CRACD: variants seen among roughly 807,000 people sequenced by gnomAD.
The protein encoded by CRACD is capping protein-inhibiting regulator of actin dynamics.
Under a neutral mutation model 106.8 loss-of-function variants are expected in CRACD, and 56 were observed. That is an observed-to-expected ratio of 0.52 (90% CI 0.42 to 0.66). CRACD has a LOEUF of 0.66. Ranked by LOEUF, CRACD falls within the 30% of genes least tolerant of loss-of-function variation. The probability of loss-of-function intolerance (pLI) is 0.00; values close to 1 mark genes in which losing one functional copy is unlikely to be tolerated. For missense variants in CRACD, 1,730 were observed against 1,623.2 expected, an observed-to-expected ratio of 1.07 and a Z score of -1.13; for synonymous variants, 754 against 670.8, an observed-to-expected ratio of 1.12 and a Z score of -1.92.
intron 1 of CRACD, among the ~76,000 whole-genome samples, chr4:56,108,590 T>C (rs10032815): frequency 0.21 from 31,287 of 151,632 alleles, 3,678 homozygotes; most frequent in African/African-American, 0.3. Context: ...CACCAAGACG[T>C]GGAGACCGGT....
In CRACD at chr4:56,151,134, C is replaced by A. The variant is rs537412377; in HGVS notation, c.-335-28150C>A. Among the ~76,000 whole-genome samples, 184 of 152,208 alleles carry A rather than the reference C, an allele frequency of 1.2e-3. 3 individuals carry two copies. Among genetic ancestry groups the A allele is most frequent in the African/African-American group, 4.3e-3 (178 of 41,536 alleles). On this transcript the variant is annotated intron_variant, in intron 1 of 10. Transcript: ENST00000682029. ...GCCTCAGCCTCCCGAGTAGCTGGGA[C>A]AAAAGGCGCATGCCACCAAGCCCAG...
At chr4:56,075,478 G>A (rs1404195747) in intron 1 of CRACD, among the ~76,000 whole-genome samples, 2 of 152,146 alleles carry the variant, frequency 1.3e-5, no homozygotes, top group African/African-American at 4.8e-5. Context: ...TTTGCATAGA[G>A]GTGTTTATAG....
chr4:56,237,962 T>C (rs1279719963), intron 2 of CRACD, among the ~76,000 whole-genome samples: 1 of 152,094 alleles, frequency 6.6e-6, no homozygotes, highest in African/African-American at 2.4e-5. Context: ...AATCTAGTTA[T>C]CTAGTGCTAT....
chr4:56,080,483 G>A (rs576761224), intron 1 of CRACD, among the ~76,000 whole-genome samples: 1 of 152,184 alleles, frequency 6.6e-6, no homozygotes, highest in Admixed American at 6.5e-5. Context: ...CAGATGTCAC[G>A]TCTGCCAGGA....
intron 2 of CRACD, among the ~76,000 whole-genome samples, chr4:56,204,484 C>A (rs1738030826): frequency 6.6e-6 from 1 of 152,190 alleles, no homozygotes; most frequent in Non-Finnish European, 1.5e-5. Context: ...AGGGGTGGAA[C>A]TCATCCTTTT....
chr4:56,155,544 C>G (rs1735739681), intron 1 of CRACD, among the ~76,000 whole-genome samples: 1 of 152,170 alleles, frequency 6.6e-6, no homozygotes, highest in African/African-American at 2.4e-5. Flanking sequence ...TGTTTTAAGC[C>G]TTCTACGTCG....
chr4:56,057,927 C>G (rs1179563817), intron 1 of CRACD, among the ~76,000 whole-genome samples: 1 of 106,724 alleles, frequency 9.4e-6, no homozygotes, highest in African/African-American at 5.0e-5. Flanking sequence ...CACGCCATTC[C>G]CCTGCCTCAG....
At chr4:56,161,006 G>T (rs1471430445) in intron 1 of CRACD, among the ~76,000 whole-genome samples, 3 of 152,150 alleles carry the variant, frequency 2.0e-5, no homozygotes, top group Non-Finnish European at 1.5e-5. Flanking sequence ...GGGCGTTCTG[G>T]ATGTAGTAAG....
At position 56,310,666 on chromosome 4, in the gene CRACD, T is replaced by C. The variant is rs79868722; in HGVS notation, c.286T>C (p.Ser96Pro). 0.029 allele frequency: 46,100 copies of C among 1,605,754 alleles called. 1,670 individuals carry two copies. The highest frequency in any genetic ancestry group is 0.2 in the East Asian group (9,133 of 44,792). ...CTTGAATGCTCTCTTACTGTTCCAG[T>C]CCAGTGATACGCCAAGTTCTCTAAG... is the stretch of plus-strand genomic sequence containing the variant. Reference protein sequence around the residue: ...DIVLSDAENKSSDTPSSLSPL... With the variant: ...DIVLSDAENKPSDTPSSLSPL... The change falls in exon 6 of 11, where the codon TCC (serine) becomes CCC (proline). Residue 96 changes from serine to proline, a missense_variant and splice_region_variant. By Grantham distance (74) the Ser-to-Pro change is moderately conservative. Transcript: ENST00000682029.
At chr4:56,136,835 A>T (rs1048946826) in intron 1 of CRACD, among the ~76,000 whole-genome samples, 1 of 152,218 alleles carries the variant, frequency 6.6e-6, no homozygotes. Context: ...CTAATTCAAG[A>T]TAACAAAGAC....
intron 1 of CRACD, among the ~76,000 whole-genome samples, chr4:56,166,702 G>A (rs1159189934): frequency 3.6e-5 from 5 of 139,098 alleles, no homozygotes; most frequent in African/African-American, 1.1e-4. Context: ...ACCATTTAAT[G>A]GAGTATTACA....
chr4:56,128,519 G>C (rs1734726511), intron 1 of CRACD, among the ~76,000 whole-genome samples: 1 of 152,112 alleles, frequency 6.6e-6, no homozygotes, highest in Non-Finnish European at 1.5e-5. Context: ...AGGGTGACTG[G>C]ATCCTTTTCT....
At chr4:56,178,778 A>G (rs1353536209) in intron 1 of CRACD, among the ~76,000 whole-genome samples, 1 of 152,120 alleles carries the variant, frequency 6.6e-6, no homozygotes. Flanking sequence ...ATCTACATTC[A>G]TTACATCCTG....
chr4:56,227,944 T>C (rs771298326), intron 2 of CRACD, among the ~76,000 whole-genome samples: 5 of 152,166 alleles, frequency 3.3e-5, no homozygotes, highest in Non-Finnish European at 5.9e-5. Context: ...CTACCTGTAG[T>C]TTAGACCTGG....
At chr4:56,160,027 C>T (rs563915765) in intron 1 of CRACD, among the ~76,000 whole-genome samples, 5 of 152,088 alleles carry the variant, frequency 3.3e-5, no homozygotes, top group East Asian at 2.0e-4. Context: ...GTAATTCGCC[C>T]GCCTCGGCTT....
intron 1 of CRACD, among the ~76,000 whole-genome samples, chr4:56,081,394 C>T (rs1395739060): frequency 6.6e-6 from 1 of 152,018 alleles, no homozygotes; most frequent in Non-Finnish European, 1.5e-5. Context: ...GTTGTCTGCC[C>T]TTATTCATTC....
At chr4:56,215,647 A>G (rs1410699849) in intron 2 of CRACD, among the ~76,000 whole-genome samples, 2 of 152,226 alleles carry the variant, frequency 1.3e-5, no homozygotes, top group African/African-American at 2.4e-5. Flanking sequence ...TGTTACACAT[A>G]GAGACAGCAT....
intron 2 of CRACD, among the ~76,000 whole-genome samples, chr4:56,270,594 T>A (rs998321141): frequency 4.6e-5 from 7 of 152,126 alleles, no homozygotes; most frequent in African/African-American, 1.7e-4. Flanking sequence ...TTTACTTCTC[T>A]CTCAAAACTT....
intron 1 of CRACD, among the ~76,000 whole-genome samples, chr4:56,113,560 AG>A (rs58184012): frequency 0.47 from 71,821 of 151,914 alleles, 18,238 homozygotes; most frequent in African/African-American, 0.66. Flanking sequence ...GTATTTTTAG[AG>A]GGGAAATGAG....
Sources: gnomAD v4.1 joint callset for allele counts (sites outside exome capture counted in the v4.1 genomes callset) on GRCh38, gnomAD v4.1.1 for gene constraint, MANE v1.5 for transcripts, NCBI Gene and HGNC (gene_info 2026-07-23, HGNC 2026-07-21) for gene names.